The following CAMTA1 variants were observed in gnomAD, a reference collection of about 807,000 sequenced individuals.
The protein encoded by CAMTA1 is calmodulin binding transcription activator 1, also known as calmodulin-binding transcription activator 1.
A neutral mutation model predicts 170.9 loss-of-function variants in CAMTA1; 27 were observed. The ratio of observed to expected loss-of-function variants is 0.16; its 90% CI spans 0.12 to 0.22. CAMTA1 has a LOEUF of 0.22. Ranked by LOEUF, CAMTA1 falls within the 10% of genes least tolerant of loss-of-function variation. The pLI, the probability that CAMTA1 is intolerant of heterozygous loss-of-function variation, is 1.00. For missense variants in CAMTA1, 1,619 were observed against 2,217.2 expected, an observed-to-expected ratio of 0.73 and a Z score of 5.42; for synonymous variants, 833 against 891.5, an observed-to-expected ratio of 0.93 and a Z score of 1.17.
intron 5 of CAMTA1, among the ~76,000 whole-genome samples, chr1:7,305,118 T>A (rs987574880): frequency 6.6e-6 from 1 of 152,168 alleles, no homozygotes; most frequent in Non-Finnish European, 1.5e-5. Context: ...TCTACCTTTT[T>A]TTCTTGCTGG....
intron 5 of CAMTA1, among the ~76,000 whole-genome samples, chr1:7,352,465 A>G (rs776074244): frequency 2.6e-5 from 4 of 152,214 alleles, no homozygotes; most frequent in Non-Finnish European, 5.9e-5. Context: ...CGGGTTATTA[A>G]CGGAGACACA....
rs1041929771 is a variant in CAMTA1 at position 7,561,378 on chromosome 1, C to T, written c.511-79022C>T. ...GACAGGCAGAGAGGCCGGCGGGCAG[C>T]AGGCCAATGGGCCAGGCAGGTGGGG... On this transcript the variant is annotated intron_variant, in intron 6 of 22. Transcript: ENST00000303635. The surrounding 1 kb of genome is among the most constrained non-coding windows in gnomAD (Gnocchi z 5.3). Among the ~76,000 whole-genome samples, 1 of 151,834 alleles carries T rather than the reference C, an allele frequency of 6.6e-6. No homozygotes were observed. The highest frequency in any genetic ancestry group is 2.4e-5 in the African/African-American group (1 of 41,352).
intron 17 of CAMTA1, 118 bp from the exon 18 acceptor site, chr1:7,745,727 T>A: frequency 1.7e-6 from 2 of 1,203,064 alleles, no homozygotes; most frequent in Non-Finnish European, 2.4e-6. Flanking sequence ...AATGAAGGCA[T>A]GTTCCTAATT....
intron 8 of CAMTA1, 81 bp downstream of exon 8, chr1:7,661,947 G>A (rs2095962139): frequency 2.7e-6 from 4 of 1,477,670 alleles, no homozygotes; most frequent in Non-Finnish European, 3.6e-6. Flanking sequence ...TGTCCTCTGT[G>A]GGAGTAGCCA....
At chr1:6,904,165 T>C (rs923510735) in intron 3 of CAMTA1, among the ~76,000 whole-genome samples, 2 of 152,238 alleles carry the variant, frequency 1.3e-5, no homozygotes, top group Non-Finnish European at 2.9e-5. Context: ...TGCATCTGCC[T>C]CCTCATTCCA....
intron 5 of CAMTA1, among the ~76,000 whole-genome samples, chr1:7,315,722 C>T (rs560004996): frequency 5.9e-5 from 9 of 152,310 alleles, no homozygotes; most frequent in Admixed American, 1.3e-4. Flanking sequence ...CAGGCTCCCT[C>T]GTAGCCTTTA....
chr1:7,635,325 G>A lies in CAMTA1; in HGVS notation c.511-5075G>A, dbSNP rs974943406. 2.6e-5 allele frequency among the ~76,000 whole-genome samples: 4 copies of A among 152,094 alleles called. No homozygotes were observed. The highest frequency in any genetic ancestry group is 1.9e-4 in the East Asian group (1 of 5,172). ...CACAACTGTCCAGAATCAAGGATCCGGGCCGGGCGTGGTGGCTCACGCCTG... is the reference window on the plus strand; with the variant it reads ...CACAACTGTCCAGAATCAAGGATCCAGGCCGGGCGTGGTGGCTCACGCCTG... On this transcript the variant is annotated intron_variant, in intron 6 of 22. Coordinates refer to ENST00000303635, the MANE Select transcript of CAMTA1 (RefSeq NM_015215.4). The surrounding 1 kb of genome is among the most constrained non-coding windows in gnomAD (Gnocchi z 4.4).
chr1:7,056,847 C>T (rs1707399299), intron 3 of CAMTA1, among the ~76,000 whole-genome samples: 1 of 152,132 alleles, frequency 6.6e-6, no homozygotes. Flanking sequence ...TGGTGTCTTT[C>T]CCTCCCAAAG....
chr1:7,326,714 C>T (rs1322963898), intron 5 of CAMTA1, among the ~76,000 whole-genome samples: 1 of 152,202 alleles, frequency 6.6e-6, no homozygotes, highest in East Asian at 1.9e-4. Flanking sequence ...CCTGCCAGCA[C>T]CTTGATTTCA....
intron 6 of CAMTA1, among the ~76,000 whole-genome samples, chr1:7,523,240 T>A (rs1157009749): frequency 6.6e-6 from 1 of 152,236 alleles, no homozygotes. Flanking sequence ...TCTGTATTAA[T>A]CCTCAGTATC....
At chr1:7,407,800 G>C (rs544176045) in intron 5 of CAMTA1, among the ~76,000 whole-genome samples, 6 of 152,190 alleles carry the variant, frequency 3.9e-5, no homozygotes, top group African/African-American at 1.4e-4. Context: ...ATGGATGTAG[G>C]TGACCAAGGC....
chr1:7,730,773 C>T (rs137870089), intron 11 of CAMTA1, among the ~76,000 whole-genome samples: 1 of 152,156 alleles, frequency 6.6e-6, no homozygotes, highest in East Asian at 1.9e-4. Flanking sequence ...GTGGCATGTG[C>T]CTGTAGTCCC....
At chr1:6,926,717 C>A (rs1377897285) in intron 3 of CAMTA1, among the ~76,000 whole-genome samples, 1 of 140,404 alleles carries the variant, frequency 7.1e-6, no homozygotes, top group Non-Finnish European at 1.5e-5. Context: ...CCTTCCTTCT[C>A]TCTTTTCTTT....
intron 5 of CAMTA1, among the ~76,000 whole-genome samples, chr1:7,345,683 T>C (rs1040534567): frequency 2.0e-5 from 3 of 152,184 alleles, no homozygotes; most frequent in Admixed American, 6.5e-5. Context: ...TACACCCCCA[T>C]GCCAGGTGGC....
chr1:6,903,479 G>T (rs1363108908), intron 3 of CAMTA1, among the ~76,000 whole-genome samples: 1 of 152,132 alleles, frequency 6.6e-6, no homozygotes, highest in East Asian at 1.9e-4. Context: ...TTATTCTGTT[G>T]GGTCATCATT....
chr1:7,111,904 A>T (rs998875598), intron 4 of CAMTA1, among the ~76,000 whole-genome samples: 1 of 148,926 alleles, frequency 6.7e-6, no homozygotes, highest in East Asian at 1.9e-4. Flanking sequence ...AAAAAAAAAA[A>T]AAAAAAAACC....
chr1:7,250,615 G>C (rs1365519208), intron 5 of CAMTA1, among the ~76,000 whole-genome samples: 1 of 152,156 alleles, frequency 6.6e-6, no homozygotes, highest in Non-Finnish European at 1.5e-5. Context: ...AATGTTTTTT[G>C]TGACATGCTT....
intron 4 of CAMTA1, among the ~76,000 whole-genome samples, chr1:7,202,838 T>C (rs1375228475): frequency 2.0e-5 from 3 of 152,222 alleles, no homozygotes. Context: ...ATAGTTTTAT[T>C]TCTTCCTTTC....
In CAMTA1 at chr1:7,634,139, G is replaced by T. The variant is rs1430404358; in HGVS notation, c.511-6261G>T. On this transcript the variant is annotated intron_variant, in intron 6 of 22. Transcript: ENST00000303635. The surrounding 1 kb of genome is among the most constrained non-coding windows in gnomAD (Gnocchi z 6.2). ...CCTGCTGCTGTTTGAAGGGTGGGTT[G>T]GGGAAGGGAGGAGCAGACGTGAGGA... 1.3e-5 allele frequency among the ~76,000 whole-genome samples: 2 copies of T among 152,332 alleles called. No individual in the cohort carries two copies. The highest frequency in any genetic ancestry group is 2.9e-5 in the Non-Finnish European group (2 of 68,028).
Sources: allele counts gnomAD v4.1 joint callset (sites outside exome capture counted in the v4.1 genomes callset), GRCh38; gene constraint gnomAD v4.1.1; non-coding constraint Gnocchi (gnomAD v3.1); transcripts MANE v1.5; gene names NCBI Gene and HGNC (gene_info 2026-07-23, HGNC 2026-07-21).